Variants in MAF observed in about 807,000 individuals in gnomAD.
MAF encodes MAF bZIP transcription factor.
Under a neutral mutation model 22.0 loss-of-function variants are expected in MAF, and 10 were observed. The observed-to-expected ratio is 0.45, with a 90% CI of 0.28 to 0.77. The LOEUF is 0.77. MAF is among the 30% of genes least tolerant of loss of function. MAF has a pLI of 0.12. For synonymous variants in MAF, 337 were observed against 255.8 expected, an observed-to-expected ratio of 1.32 and a Z score of -3.03; for missense variants, 544 against 548.4, an observed-to-expected ratio of 0.99 and a Z score of 0.08.
chr16:79,599,194 C>T lies in MAF; in HGVS notation c.709G>A (p.Gly237Arg). The T allele has an allele frequency of 2.0e-6, 2 of 986,814 alleles. No individual in the cohort carries two copies. The highest frequency in any genetic ancestry group is 2.4e-6 in the Non-Finnish European group (2 of 832,238). 61.1% of individuals were successfully genotyped at this position (986,814 alleles called of 1,614,324 possible). A position where few individuals can be genotyped will look rare whatever the true frequency, so the allele number is the denominator to read the frequency against. Residue 237 changes from glycine to arginine, a missense_variant, in exon 1 of 2, where the codon GGG becomes AGG. Gly to Arg is a moderately radical substitution (Grantham distance 125, BLOSUM62 -2). This residue lies in a region of MAF where 342 missense variants were observed against 315.5 expected (regional missense o/e 1.08). Coordinates refer to ENST00000326043, the MANE Select transcript of MAF (RefSeq NM_005360.5). ...GCGCCCCCCGCCCCCGCCGCGCCCC[C>T]GCCGCCTCCGCCGCCGCCGCCGCCG... ...GGGGGGGGGG[G>R]GAAGAGGALH...
chr16:79,359,798 A>AG, the MAF span, among the ~76,000 whole-genome samples: 68 of 152,282 alleles, frequency 4.5e-4, no homozygotes, highest in African/African-American at 1.6e-3. Flanking sequence ...AGACACTGGC[A>AG]TTCAGGAGGG....
the MAF span, among the ~76,000 whole-genome samples, chr16:79,452,144 C>T: frequency 7.9e-5 from 12 of 152,264 alleles, no homozygotes; most frequent in African/African-American, 2.4e-4. Flanking sequence ...ACAGTGTGGC[C>T]TGCAAAGCCT....
At chr16:79,491,861 G>T in the MAF span, among the ~76,000 whole-genome samples, 1 of 152,138 alleles carries the variant, frequency 6.6e-6, no homozygotes, top group Non-Finnish European at 1.5e-5. Flanking sequence ...GGGGATTTTA[G>T]TGAGAAGAAT....
At chr16:79,253,962 C>T in the MAF span, among the ~76,000 whole-genome samples, 1 of 152,004 alleles carries the variant, frequency 6.6e-6, no homozygotes, top group Non-Finnish European at 1.5e-5. Flanking sequence ...ATGCAGTTGT[C>T]CCCAACCACA....
At chr16:79,394,759 T>C in the MAF span, among the ~76,000 whole-genome samples, 2 of 152,130 alleles carry the variant, frequency 1.3e-5, no homozygotes, top group Non-Finnish European at 2.9e-5. Context: ...CTACTCCAAT[T>C]TTTTAGGTCT....
At chr16:79,241,745 A>G in the MAF span, among the ~76,000 whole-genome samples, 2 of 152,046 alleles carry the variant, frequency 1.3e-5, no homozygotes. Context: ...TGCTTATCAG[A>G]TTCACCAAGG....
chr16:79,448,716 C>G, the MAF span, among the ~76,000 whole-genome samples: 22 of 151,866 alleles, frequency 1.4e-4, no homozygotes, highest in East Asian at 4.3e-3. Flanking sequence ...TGAGCCACTG[C>G]GCCTGGCCTG....
chr16:79,443,811 AC>A, the MAF span, among the ~76,000 whole-genome samples: 2 of 152,144 alleles, frequency 1.3e-5, no homozygotes, highest in African/African-American at 4.8e-5. Flanking sequence ...AGTCACACCT[AC>A]CTCACAGGGT....
At chr16:79,304,132 T>C in the MAF span, among the ~76,000 whole-genome samples, 3 of 152,318 alleles carry the variant, frequency 2.0e-5, no homozygotes, top group East Asian at 5.8e-4. Context: ...GAAGACAGAA[T>C]ATTTCTGTGT....
In MAF at chr16:79,598,950, G is replaced by C; in HGVS notation, c.953C>G (p.Ser318Trp). ...KRVQQRHVLE[S>W]EKNQLLQQVD... ...TTGCTGCAGCAGCTGGTTCTTCTCCGACTCCAGGACGTGTCTCTGCTGCAC... is the reference window on the plus strand; with the variant it reads ...TTGCTGCAGCAGCTGGTTCTTCTCCCACTCCAGGACGTGTCTCTGCTGCAC... The change falls in exon 1 of 2, where the codon TCG becomes TGG. Residue 318 changes from serine (S) to tryptophan (W), a missense_variant. By Grantham distance (177) the Ser-to-Trp change is radical. Around this residue, in one of 5 missense-constraint regions of MAF, gnomAD observed 129 missense variants for 113.6 expected, o/e 1.14. Transcript: ENST00000326043. 3 of 1,613,720 alleles carry C rather than the reference G, an allele frequency of 1.9e-6. No individual in the cohort carries two copies. Among genetic ancestry groups the C allele is most frequent in the Non-Finnish European group, 2.5e-6 (3 of 1,179,932 alleles).
chr16:79,355,979 A>G, the MAF span, among the ~76,000 whole-genome samples: 1 of 152,084 alleles, frequency 6.6e-6, no homozygotes, highest in Non-Finnish European at 1.5e-5. Flanking sequence ...GGAATTCTCC[A>G]TGCCTCTCTC....
At chr16:79,366,711 G>A in the MAF span, among the ~76,000 whole-genome samples, 12 of 152,194 alleles carry the variant, frequency 7.9e-5, no homozygotes, top group African/African-American at 2.2e-4. Context: ...CCCTATGGGG[G>A]TTCTCCATCA....
chr16:79,552,994 G>T, the MAF span, among the ~76,000 whole-genome samples: 1 of 152,198 alleles, frequency 6.6e-6, no homozygotes, highest in Non-Finnish European at 1.5e-5. Flanking sequence ...GAAAAAACAT[G>T]GAACTTTGGG....
the MAF span, among the ~76,000 whole-genome samples, chr16:79,273,007 G>A: frequency 1.3e-5 from 2 of 152,176 alleles, no homozygotes; most frequent in Admixed American, 1.3e-4. Context: ...AAATACAGAA[G>A]TAAGAAGTAT....
the MAF span, among the ~76,000 whole-genome samples, chr16:79,419,842 T>C: frequency 6.6e-6 from 1 of 152,118 alleles, no homozygotes; most frequent in Non-Finnish European, 1.5e-5. Flanking sequence ...TGTTCATCCA[T>C]TAACCACCCT....
chr16:79,416,844 G>C, the MAF span, among the ~76,000 whole-genome samples: 1 of 152,188 alleles, frequency 6.6e-6, no homozygotes, highest in Non-Finnish European at 1.5e-5. Context: ...ATGGGTAAAG[G>C]GGAGACAATG....
the MAF span, among the ~76,000 whole-genome samples, chr16:79,251,411 G>T: frequency 1.3e-5 from 2 of 149,986 alleles, no homozygotes; most frequent in Admixed American, 6.7e-5. Flanking sequence ...TGCCTCTTGG[G>T]TTCAAGCAAT....
At chr16:79,556,951 A>C in the MAF span, among the ~76,000 whole-genome samples, 1 of 150,428 alleles carries the variant, frequency 6.6e-6, no homozygotes, top group African/African-American at 2.5e-5. Flanking sequence ...AGTTTCTACC[A>C]TCCTTGTATA....
the MAF span, among the ~76,000 whole-genome samples, chr16:79,220,854 G>A: frequency 7.2e-5 from 11 of 152,196 alleles, no homozygotes; most frequent in Admixed American, 6.5e-4. Flanking sequence ...ATATGCTGCT[G>A]ATCAGTTTAT....
Sources: allele counts gnomAD v4.1 joint callset (sites outside exome capture counted in the v4.1 genomes callset), GRCh38; gene constraint gnomAD v4.1.1; regional missense constraint gnomAD v4.1.1; transcripts MANE v1.5; gene names NCBI Gene and HGNC (gene_info 2026-07-23, HGNC 2026-07-21).